Variants in LDB2 observed in about 807,000 individuals in gnomAD.
The protein encoded by LDB2 is LIM domain binding 2.
Under a neutral mutation model 44.3 loss-of-function variants are expected in LDB2, and 12 were observed. The observed-to-expected ratio is 0.27, with a 90% CI of 0.17 to 0.44. The LOEUF is 0.44. Ranked by LOEUF, LDB2 falls within the 20% of genes least tolerant of loss-of-function variation. The pLI is 1.00. For missense variants in LDB2, 344 were observed against 473.5 expected (o/e 0.73, Z 2.54); for synonymous variants, 164 against 174.8 (o/e 0.94, Z 0.49).
At chr4:16,523,978 A>G (rs576948301) in intron 5 of LDB2, among the ~76,000 whole-genome samples, 1 of 152,322 alleles carries the variant, frequency 6.6e-6, no homozygotes, top group East Asian at 1.9e-4. Context: ...TAGACTATAA[A>G]CAATTAGAGG....
intron 5 of LDB2, among the ~76,000 whole-genome samples, chr4:16,559,011 T>C (rs1167490040): frequency 1.3e-5 from 2 of 152,082 alleles, no homozygotes; most frequent in African/African-American, 4.8e-5. Flanking sequence ...GACAAGCAAA[T>C]GCTGAGAGAT....
At chr4:16,599,414 G>A (rs1423478265) in intron 2 of LDB2, among the ~76,000 whole-genome samples, 2 of 152,062 alleles carry the variant, frequency 1.3e-5, no homozygotes, top group Non-Finnish European at 2.9e-5. Context: ...TGACTTTCAG[G>A]ATCCTTGTGA....
chr4:16,673,504 C>T (rs958636154), intron 2 of LDB2, among the ~76,000 whole-genome samples: 2 of 152,134 alleles, frequency 1.3e-5, no homozygotes, highest in Non-Finnish European at 2.9e-5. Context: ...TTCATATAGG[C>T]CCTCTGTCTA....
intron 2 of LDB2, 84 bp from the exon 3 acceptor site, chr4:16,595,959 A>G: frequency 7.5e-7 from 1 of 1,335,184 alleles, no homozygotes; most frequent in Non-Finnish European, 1.0e-6. Context: ...CAAACCTCCT[A>G]AAACCGGATA....
intron 1 of LDB2, among the ~76,000 whole-genome samples, chr4:16,892,182 G>A (rs773474214): frequency 1.4e-4 from 21 of 152,106 alleles, no homozygotes; most frequent in Non-Finnish European, 2.1e-4. Flanking sequence ...ACGATACACC[G>A]TGTATTAACC....
At chr4:16,705,852 C>A (rs147144034) in intron 2 of LDB2, among the ~76,000 whole-genome samples, 1,665 of 152,188 alleles carry the variant, frequency 0.011, 30 homozygotes, top group African/African-American at 0.037. Context: ...GTCTAGTCCC[C>A]TCTCTCCAAT....
intron 2 of LDB2, among the ~76,000 whole-genome samples, chr4:16,722,749 TA>T (rs1355815561): frequency 6.6e-6 from 1 of 152,132 alleles, no homozygotes; most frequent in Non-Finnish European, 1.5e-5. Context: ...TGTAACATGA[TA>T]GGTAATCAAT....
At chr4:16,751,302 TA>T (rs1319466669) in intron 2 of LDB2, among the ~76,000 whole-genome samples, 1 of 152,248 alleles carries the variant, frequency 6.6e-6, no homozygotes, top group African/African-American at 2.4e-5. Context: ...TCTGAAACGT[TA>T]ATTATAAATA....
At chr4:16,544,161 A>G (rs543723443) in intron 5 of LDB2, among the ~76,000 whole-genome samples, 228 of 152,342 alleles carry the variant, frequency 1.5e-3, no homozygotes, top group African/African-American at 5.1e-3. Flanking sequence ...GTGTGTAGGC[A>G]CAGTCTGGCT....
chr4:16,627,433 A>C (rs1578303169), intron 2 of LDB2, among the ~76,000 whole-genome samples: 1 of 152,178 alleles, frequency 6.6e-6, no homozygotes, highest in Non-Finnish European at 1.5e-5. Context: ...GCTTGTGGGG[A>C]GCTCACTCTA....
intron 2 of LDB2, among the ~76,000 whole-genome samples, chr4:16,659,178 T>A (rs1407910000): frequency 2.0e-5 from 3 of 152,166 alleles, no homozygotes; most frequent in African/African-American, 7.2e-5. Flanking sequence ...AGACCAAGAC[T>A]GTCCTTAAAT....
At chr4:16,557,379 G>A (rs916323861) in intron 5 of LDB2, among the ~76,000 whole-genome samples, 7 of 152,192 alleles carry the variant, frequency 4.6e-5, no homozygotes, top group African/African-American at 1.7e-4. Flanking sequence ...TTTTCCGACG[G>A]GCTTAAAAAG....
intron 2 of LDB2, 97 bp from the exon 3 acceptor site, chr4:16,595,972 G>T: frequency 8.1e-7 from 1 of 1,239,558 alleles, no homozygotes; most frequent in Non-Finnish European, 1.1e-6. Flanking sequence ...ACCGGATACT[G>T]ATCATCTCAA....
intron 2 of LDB2, among the ~76,000 whole-genome samples, chr4:16,648,465 C>T (rs1478748819): frequency 6.6e-6 from 1 of 152,196 alleles, no homozygotes; most frequent in Non-Finnish European, 1.5e-5. Flanking sequence ...CTCATTTTCT[C>T]AACTCTCTAG....
chr4:16,565,846 A>G (rs774707548), intron 5 of LDB2, among the ~76,000 whole-genome samples: 19 of 152,046 alleles, frequency 1.2e-4, no homozygotes, highest in Non-Finnish European at 2.5e-4. Flanking sequence ...AACCAAATCA[A>G]TTAAACTACA....
intron 5 of LDB2, among the ~76,000 whole-genome samples, chr4:16,550,552 A>C (rs1405295567): frequency 3.9e-5 from 6 of 152,244 alleles, no homozygotes; most frequent in Admixed American, 3.9e-4. Flanking sequence ...GTAAACTAGA[A>C]GAAAAAGAGT....
rs12511608 is a variant in LDB2, at chr4:16,536,200, T to C, written c.616-24096A>G. 5.4e-3 allele frequency among the ~76,000 whole-genome samples: 824 copies of C among 152,302 alleles called. 23 individuals are homozygous for C. Among genetic ancestry groups the C allele is most frequent in the Admixed American group, 0.043 (661 of 15,296 alleles). ...GAACAGCCCATATGAAGGATGCCCA[T>C]GTAGCTCATTTGTGTAGGAGCAGAT... On this transcript the variant is annotated intron_variant, in intron 5 of 7. Coordinates refer to ENST00000304523, the MANE Select transcript of LDB2 (RefSeq NM_001290.5).
At chr4:16,567,316 A>G (rs1204552024) in intron 5 of LDB2, among the ~76,000 whole-genome samples, 3 of 152,266 alleles carry the variant, frequency 2.0e-5, no homozygotes, top group Non-Finnish European at 2.9e-5. Flanking sequence ...ATATATTTCT[A>G]TTGCTTTTAT....
At chr4:16,702,995 C>T (rs1055364889) in intron 2 of LDB2, among the ~76,000 whole-genome samples, 1 of 152,188 alleles carries the variant, frequency 6.6e-6, no homozygotes, top group Non-Finnish European at 1.5e-5. Context: ...CTGTTTCTGA[C>T]CACACAGACT....
Sources: gnomAD v4.1 joint callset for allele counts (sites outside exome capture counted in the v4.1 genomes callset) on GRCh38, gnomAD v4.1.1 for gene constraint, MANE v1.5 for transcripts, NCBI Gene and HGNC (gene_info 2026-07-23, HGNC 2026-07-21) for gene names.